ADAMTS13: variants seen among roughly 807,000 people sequenced by gnomAD.
The protein encoded by ADAMTS13 is A disintegrin and metalloproteinase with thrombospondin motifs 13.
Under a neutral mutation model 155.1 loss-of-function variants are expected in ADAMTS13, and 110 were observed. That is an observed-to-expected ratio of 0.71 (90% CI 0.61 to 0.83). The LOEUF (loss-of-function observed/expected upper bound fraction) is 0.83, where lower values mean the gene tolerates loss of function less well. ADAMTS13 is among the 40% of genes least tolerant of loss of function. The pLI is 0.00. For missense variants in ADAMTS13, 1,707 were observed against 1,891.7 expected (o/e 0.90, Z 1.81); for synonymous variants, 758 against 756.4 (o/e 1.00, Z -0.03).
Position 133,445,104 on chromosome 9 carries a change from C to T in ADAMTS13, c.2610+52C>T. The T allele has an allele frequency of 1.9e-6, 3 of 1,579,218 alleles. No homozygotes were observed. The highest frequency in any genetic ancestry group is 1.1e-5 in the South Asian group (1 of 88,208). On this transcript the variant is annotated intron_variant, in intron 20 of 28. Transcript: ENST00000355699. This position sits in a 1 kb window ranked among gnomAD's most constrained non-coding sequence, Gnocchi z 5.0. ...TGGGGCTGTTGAGTCCTTTACCTGG[C>T]TGGGAGAACGAGGAGCACCCATTGC...
chr9:133,436,128 T>C (rs1554788944), intron 11 of ADAMTS13, among the ~76,000 whole-genome samples: 1 of 151,944 alleles, frequency 6.6e-6, no homozygotes, highest in Non-Finnish European at 1.5e-5. Context: ...GTTTTCTGTT[T>C]TTTGATTTTG....
At chr9:133,443,608 G>A (rs1356775168) in intron 19 of ADAMTS13, 47 bp downstream of exon 19, 90 of 1,496,594 alleles carry the variant, frequency 6.0e-5, no homozygotes, top group Non-Finnish European at 7.6e-5. Context: ...TCCTGGCAGA[G>A]CTCGTCCCTG....
chr9:133,425,676 A>G lies in ADAMTS13; in HGVS notation c.414+64A>G, dbSNP rs1840233698. ...GGGAAGCCCAAGTCATCGCATCTCC[A>G]TCCTCTTTAACCTCTTGTCCCGGAT... On this transcript the variant is annotated intron_variant, in intron 4 of 28. Coordinates refer to ENST00000355699, the MANE Select transcript of ADAMTS13 (RefSeq NM_139027.6). The surrounding 1 kb of genome is among the most constrained non-coding windows in gnomAD (Gnocchi z 4.6). 9.1e-6 allele frequency: 14 copies of G among 1,544,586 alleles called. No individual in the cohort carries two copies. The highest frequency in any genetic ancestry group is 1.7e-4 in the Middle Eastern group (1 of 5,950).
chr9:133,432,581 C>T lies in ADAMTS13; in HGVS notation c.988-7C>T. Reference sequence around the variant, plus strand: ...TGAGCTCGCCACCCACCTGTCCACCCTCCTAGGATATGTGCCAGGCCCTCT... The same window carrying T: ...TGAGCTCGCCACCCACCTGTCCACCTTCCTAGGATATGTGCCAGGCCCTCT... On this transcript the variant is annotated splice_polypyrimidine_tract_variant and splice_region_variant and intron_variant, in intron 8 of 28. Transcript: ENST00000355699. The T allele has an allele frequency of 1.3e-6, 2 of 1,550,522 alleles. No homozygotes were observed. The highest frequency in any genetic ancestry group is 8.7e-7 in the Non-Finnish European group (1 of 1,147,138).
At position 133,430,114 on chromosome 9, in the gene ADAMTS13, G is replaced by C. The variant is rs781918765; in HGVS notation, c.987+13G>C. The C allele has an allele frequency of 6.4e-7, 1 of 1,569,316 alleles. No homozygotes were observed. Among genetic ancestry groups the C allele is most frequent in the Non-Finnish European group, 8.6e-7 (1 of 1,162,602 alleles). ...CAGGGAGCACCTGGTGAGTCTGCCGGCGGTGGCCTGGGATTGGCTGTGAGG... is the reference window on the plus strand; with the variant it reads ...CAGGGAGCACCTGGTGAGTCTGCCGCCGGTGGCCTGGGATTGGCTGTGAGG... On this transcript the variant is annotated intron_variant, in intron 8 of 28. Transcript: ENST00000355699.
intron 23 of ADAMTS13, among the ~76,000 whole-genome samples, chr9:133,450,998 A>C: frequency 6.6e-6 from 1 of 152,218 alleles, no homozygotes; most frequent in Non-Finnish European, 1.5e-5. Context: ...CCACAGGGAC[A>C]CACACAGCCA....
chr9:133,451,202 G>A (rs948945603), intron 23 of ADAMTS13, among the ~76,000 whole-genome samples: 3 of 152,226 alleles, frequency 2.0e-5, no homozygotes, highest in Non-Finnish European at 4.4e-5. Flanking sequence ...GTATGTTCCA[G>A]CACTCCAGTT....
chr9:133,445,900 A>C lies in ADAMTS13; in HGVS notation c.2731+81A>C. 1 of 1,499,484 alleles carries C rather than the reference A, an allele frequency of 6.7e-7. No homozygotes were observed. The highest frequency in any genetic ancestry group is 8.9e-7 in the Non-Finnish European group (1 of 1,124,702). 92.9% of individuals were successfully genotyped at this position (1,499,484 alleles called of 1,614,324 possible). ...ACTTGCATCTTGCCTCGTTCTGAAA[A>C]GCATTTGAGGTGGATTGCAGAAAAT... On this transcript the variant is annotated intron_variant, in intron 21 of 28. Coordinates refer to ENST00000355699, the MANE Select transcript of ADAMTS13 (RefSeq NM_139027.6). The surrounding 1 kb of genome is among the most constrained non-coding windows in gnomAD (Gnocchi z 5.0).
At chr9:133,415,152 A>C in intron 1 of ADAMTS13, 2 of 688,822 alleles carry the variant, frequency 2.9e-6, no homozygotes, top group Non-Finnish European at 2.3e-6. Context: ...ACTGAAATTC[A>C]TTTTCAAACG....
intron 11 of ADAMTS13, among the ~76,000 whole-genome samples, chr9:133,435,078 C>T (rs1024037775): frequency 1.3e-5 from 2 of 152,170 alleles, no homozygotes; most frequent in African/African-American, 2.4e-5. Flanking sequence ...TGAACAGAGC[C>T]GCTGCGAATG....
intron 1 of ADAMTS13, among the ~76,000 whole-genome samples, chr9:133,416,798 G>A (rs991766334): frequency 1.6e-4 from 25 of 152,246 alleles, no homozygotes; most frequent in African/African-American, 6.0e-4. Flanking sequence ...GTACAATAGC[G>A]ATGATGGAAG....
chr9:133,414,612 C>A (rs587622413), exon 1 of ADAMTS13: 2 of 1,527,390 alleles, frequency 1.3e-6, no homozygotes, highest in Admixed American at 1.7e-5. Context: ...GGAGACAGGC[C>A]TTGGTGAAGT....
chr9:133,443,595 C>A lies in ADAMTS13; in HGVS notation c.2420+34C>A, dbSNP rs1234449432. 20 of 1,515,756 alleles carry A rather than the reference C, an allele frequency of 1.3e-5. 1 individual carries two copies. Among genetic ancestry groups the A allele is most frequent in the African/African-American group, 5.5e-5 (4 of 72,566 alleles). The allele number at this position is 1,515,756 out of a possible 1,614,324, so 93.9% of individuals were successfully genotyped here. A position where few individuals can be genotyped will look rare whatever the true frequency, so the allele number is the denominator to read the frequency against. On this transcript the variant is annotated intron_variant, in intron 19 of 28. Transcript: ENST00000355699. Reference sequence around the variant, plus strand: ...AGGGCTAGGTGGGGCTGGGAGAGGGCCTTCCTGGCAGAGCTCGTCCCTGCG... The same window carrying A: ...AGGGCTAGGTGGGGCTGGGAGAGGGACTTCCTGGCAGAGCTCGTCCCTGCG...
chr9:133,449,830 T>C lies in ADAMTS13; in HGVS notation c.2909T>C (p.Val970Ala), dbSNP rs1588198151. The C allele has an allele frequency of 1.2e-6, 2 of 1,613,424 alleles. No individual in the cohort carries two copies. Among genetic ancestry groups the C allele is most frequent in the African/African-American group, 1.3e-5 (1 of 74,758 alleles). The change falls in exon 23 of 29, where the codon GTC becomes GCC. Residue 970 changes from valine (V) to alanine (A), a missense_variant. Physicochemically the swap from Val to Ala is moderately conservative, Grantham distance 64. This residue lies in a region of ADAMTS13 where 961 missense variants were observed against 1,107.9 expected (regional missense o/e 0.87). Coordinates refer to ENST00000355699, the MANE Select transcript of ADAMTS13 (RefSeq NM_139027.6). ...TGCAGCGTGAGCTGTGGGAGAGGGG[T>C]CGTGCGGAGGATCCTGTATTGTGCC... ...AACSVSCGRG[V>A]VRRILYCARA...
intron 1 of ADAMTS13, 140 bp from the exon 2 acceptor site, chr9:133,422,957 TAAGA>T: frequency 2.6e-6 from 1 of 390,138 alleles, no homozygotes; most frequent in Non-Finnish European, 4.6e-6. Context: ...TTTTTTTTTT[TAAGA>T]CATGGGGTCT....
At chr9:133,435,977 CTTTTTTTTTTT>C (rs781795173) in intron 11 of ADAMTS13, among the ~76,000 whole-genome samples, 1 of 128,402 alleles carries the variant, frequency 7.8e-6, no homozygotes, top group African/African-American at 2.8e-5. Flanking sequence ...CTTTTCTCTT[CTTTTTTTTTTT>C]TTTTTTTTTA....
intron 7 of ADAMTS13, 99 bp from the exon 8 acceptor site, chr9:133,429,840 G>A (rs1318040711): frequency 2.7e-6 from 4 of 1,466,952 alleles, no homozygotes; most frequent in Non-Finnish European, 3.7e-6. Context: ...AAAAGGCCAC[G>A]CTTCCAAACG....
In ADAMTS13 at chr9:133,425,645, C is replaced by T; in HGVS notation, c.414+33C>T. 1 of 1,605,414 alleles carries T rather than the reference C, an allele frequency of 6.2e-7. No homozygotes were observed. The highest frequency in any genetic ancestry group is 1.1e-5 in the South Asian group (1 of 90,120). On this transcript the variant is annotated intron_variant, in intron 4 of 28. Coordinates refer to ENST00000355699, the MANE Select transcript of ADAMTS13 (RefSeq NM_139027.6). This position sits in a 1 kb window ranked among gnomAD's most constrained non-coding sequence, Gnocchi z 4.6. ...TGGAGCTGGAACTCAGCACACCATA[C>T]AGAGCGGGAAGCCCAAGTCATCGCA...
At chr9:133,426,126 G>A in intron 5 of ADAMTS13, 64 bp downstream of exon 5, 4 of 1,613,906 alleles carry the variant, frequency 2.5e-6, no homozygotes, top group Non-Finnish European at 3.4e-6. Context: ...TCAGCCTCCT[G>A]CCCTCTGCAA....
Sources: allele counts gnomAD v4.1 joint callset (sites outside exome capture counted in the v4.1 genomes callset), GRCh38; gene constraint gnomAD v4.1.1; regional missense constraint gnomAD v4.1.1; non-coding constraint Gnocchi (gnomAD v3.1); transcripts MANE v1.5; gene names NCBI Gene and HGNC (gene_info 2026-07-23, HGNC 2026-07-21).